Variants in CNTNAP2 observed in about 807,000 individuals in gnomAD.
CNTNAP2 encodes the protein contactin associated protein 2.
A neutral mutation model predicts 155.2 loss-of-function variants in CNTNAP2; 98 were observed. The observed-to-expected ratio is 0.63, with a 90% CI of 0.54 to 0.75. The LOEUF is 0.75. CNTNAP2 is among the 30% of genes least tolerant of loss of function. CNTNAP2 has a pLI of 0.00. For missense variants in CNTNAP2, 1,727 were observed against 1,688.1 expected (o/e 1.02, Z -0.40); for synonymous variants, 651 against 631.2 (o/e 1.03, Z -0.47).
At chr7:147,568,845 T>C (rs948670452) in intron 12 of CNTNAP2, among the ~76,000 whole-genome samples, 3 of 152,202 alleles carry the variant, frequency 2.0e-5, no homozygotes, top group Non-Finnish European at 4.4e-5. Flanking sequence ...CAATAGTAAA[T>C]AATGCTCGAT....
chr7:146,559,308 G>A (rs1798245726), intron 1 of CNTNAP2, among the ~76,000 whole-genome samples: 1 of 152,068 alleles, frequency 6.6e-6, no homozygotes, highest in South Asian at 2.1e-4. Flanking sequence ...GGTGGCTCAT[G>A]CCTGTAATCC....
At chr7:147,262,113 C>T (rs1248100541) in intron 8 of CNTNAP2, among the ~76,000 whole-genome samples, 1 of 152,090 alleles carries the variant, frequency 6.6e-6, no homozygotes, top group Non-Finnish European at 1.5e-5. Context: ...GACTGTTGTT[C>T]TTAGGACCAC....
rs114463140 is a variant in CNTNAP2, at chr7:147,434,877, C to T, written c.1670+39097C>T. On this transcript the variant is annotated intron_variant, in intron 10 of 23. Coordinates refer to ENST00000361727, the MANE Select transcript of CNTNAP2 (RefSeq NM_014141.6). ...CCTCCTCTTTAGACTGTGGCAGTAACCTAAAAGACTTGGCCTCTGTTTCAA... is the reference window on the plus strand; with the variant it reads ...CCTCCTCTTTAGACTGTGGCAGTAATCTAAAAGACTTGGCCTCTGTTTCAA... 7.9e-3 allele frequency among the ~76,000 whole-genome samples: 1,199 copies of T among 152,302 alleles called. 14 individuals are homozygous for T. Among genetic ancestry groups the T allele is most frequent in the African/African-American group, 0.027 (1,130 of 41,562 alleles).
chr7:147,912,912 G>A (rs767835170), intron 14 of CNTNAP2, among the ~76,000 whole-genome samples: 2 of 152,192 alleles, frequency 1.3e-5, no homozygotes, highest in Non-Finnish European at 2.9e-5. Flanking sequence ...CTGAACGGGA[G>A]CATCGCTGTG....
chr7:147,398,314 C>T (rs1796854244), intron 10 of CNTNAP2, among the ~76,000 whole-genome samples: 1 of 151,862 alleles, frequency 6.6e-6, no homozygotes, highest in Non-Finnish European at 1.5e-5. Context: ...TTTCAGATTA[C>T]CCAAATTCTC....
At chr7:147,497,257 C>T (rs113335221) in intron 11 of CNTNAP2, 29 of 152,258 alleles carry the variant, frequency 1.9e-4, no homozygotes, top group African/African-American at 6.5e-4. Flanking sequence ...TTTCATCACC[C>T]AGTTTCATCC....
intron 3 of CNTNAP2, among the ~76,000 whole-genome samples, chr7:146,947,777 G>T (rs1160632531): frequency 1.3e-5 from 2 of 151,174 alleles, no homozygotes; most frequent in African/African-American, 4.9e-5. Flanking sequence ...ACATGGTGGG[G>T]TGCCTGTAGT....
At chr7:146,508,037 G>A (rs1797410369) in intron 1 of CNTNAP2, among the ~76,000 whole-genome samples, 1 of 152,176 alleles carries the variant, frequency 6.6e-6, no homozygotes, top group African/African-American at 2.4e-5. Flanking sequence ...TGTGAAGGGG[G>A]TGTTACTTTA....
chr7:146,408,076 T>C (rs2129110168), intron 1 of CNTNAP2, among the ~76,000 whole-genome samples: 1 of 152,246 alleles, frequency 6.6e-6, no homozygotes, highest in Non-Finnish European at 1.5e-5. Flanking sequence ...AAAAGTTACA[T>C]TCAGATTTTC....
chr7:146,574,714 C>T (rs1798496754), intron 1 of CNTNAP2, among the ~76,000 whole-genome samples: 1 of 152,034 alleles, frequency 6.6e-6, no homozygotes, highest in Admixed American at 6.6e-5. Flanking sequence ...AACAAACAAA[C>T]AAACAAGCAA....
chr7:148,222,421 T>C (rs966906158), intron 19 of CNTNAP2, among the ~76,000 whole-genome samples: 4 of 152,134 alleles, frequency 2.6e-5, no homozygotes, highest in Non-Finnish European at 4.4e-5. Flanking sequence ...AGCTCAGGCC[T>C]CTCTTCCTCT....
intron 3 of CNTNAP2, among the ~76,000 whole-genome samples, chr7:146,869,679 A>C (rs569731577): frequency 6.6e-6 from 1 of 152,136 alleles, no homozygotes; most frequent in Non-Finnish European, 1.5e-5. Context: ...TATAAGTCCA[A>C]GAGTCCCAAA....
At chr7:147,907,952 AT>A (rs1799994667) in intron 14 of CNTNAP2, among the ~76,000 whole-genome samples, 1 of 139,382 alleles carries the variant, frequency 7.2e-6, no homozygotes, top group African/African-American at 2.6e-5. Flanking sequence ...TTTTTTTTGT[AT>A]TTTTAGTAGA....
At chr7:147,272,664 A>ATTTTTTTTTTTT (rs71182188) in intron 8 of CNTNAP2, among the ~76,000 whole-genome samples, 40 of 138,934 alleles carry the variant, frequency 2.9e-4, no homozygotes, top group Non-Finnish European at 5.4e-4. Flanking sequence ...CGCCCGGCTA[A>ATTTTTTTTTTTT]TTTTTTTTTT....
intron 21 of CNTNAP2, among the ~76,000 whole-genome samples, chr7:148,375,624 G>C (rs1798969255): frequency 6.6e-6 from 1 of 151,070 alleles, no homozygotes; most frequent in African/African-American, 2.4e-5. Flanking sequence ...CTCCCAAAGT[G>C]CTGGGATTAC....
At chr7:147,998,637 G>A (rs1487031770) in intron 15 of CNTNAP2, among the ~76,000 whole-genome samples, 1 of 152,196 alleles carries the variant, frequency 6.6e-6, no homozygotes, top group African/African-American at 2.4e-5. Context: ...TGGGTAGAAG[G>A]CTTGAGCTGG....
At chr7:148,036,369 G>A (rs1225438118) in intron 15 of CNTNAP2, among the ~76,000 whole-genome samples, 1 of 152,152 alleles carries the variant, frequency 6.6e-6, no homozygotes, top group African/African-American at 2.4e-5. Context: ...GGGCCCAGTG[G>A]GAGGTGTTTG....
At chr7:147,961,526 G>A (rs1801120546) in intron 14 of CNTNAP2, among the ~76,000 whole-genome samples, 2 of 152,184 alleles carry the variant, frequency 1.3e-5, no homozygotes, top group Non-Finnish European at 2.9e-5. Context: ...TCTCAAAAGG[G>A]CATGGTATTT....
chr7:148,291,302 T>TAC (rs971911043), intron 21 of CNTNAP2, among the ~76,000 whole-genome samples: 1 of 107,954 alleles, frequency 9.3e-6, no homozygotes, highest in Non-Finnish European at 1.9e-5. Context: ...ATATATAATA[T>TAC]ATATATATAT....
Sources: allele counts gnomAD v4.1 joint callset (sites outside exome capture counted in the v4.1 genomes callset), GRCh38; gene constraint gnomAD v4.1.1; transcripts MANE v1.5; gene names NCBI Gene and HGNC (gene_info 2026-07-23, HGNC 2026-07-21).